ABCA2: variants seen among roughly 807,000 people sequenced by gnomAD.
ABCA2 encodes the protein ATP-binding cassette sub-family A member 2.
In ABCA2, 84 loss-of-function variants were observed where a neutral mutation model predicts 262.8. The ratio of observed to expected loss-of-function variants is 0.32; its 90% confidence interval spans 0.27 to 0.38. The LOEUF is 0.38. Ranked by LOEUF, ABCA2 falls within the 10% of genes least tolerant of loss-of-function variation. ABCA2 has a pLI of 1.00. For missense variants in ABCA2, 2,662 were observed against 3,405.9 expected, an observed-to-expected ratio of 0.78 and a Z score of 5.44; for synonymous variants, 1,696 against 1,502.9, an observed-to-expected ratio of 1.13 and a Z score of -2.97.
rs1373262904 is a variant in ABCA2, at chr9:137,022,140, G to T, written c.568-139C>A. On this transcript the variant is annotated intron_variant, in intron 6 of 48. Transcript: ENST00000341511. Reference sequence around the variant, plus strand: ...CAGAGAGTGGGGGCGTGGCTCAGATGGTGGGGGCGTGGCTCCGATGTAGGT... The same window carrying T: ...CAGAGAGTGGGGGCGTGGCTCAGATTGTGGGGGCGTGGCTCCGATGTAGGT... 24 of 602,034 alleles carry T rather than the reference G, an allele frequency of 4.0e-5. No homozygotes were observed. The African/African-American group carries it at 4.2e-4, about 10-fold the overall frequency. The allele number at this position is 602,034 out of a possible 1,614,324, so 37.3% of individuals were successfully genotyped here.
rs1831382151 is a variant in ABCA2, at chr9:137,019,584, G to A, written c.1426-278C>T. 7.7e-6 allele frequency: 3 copies of A among 389,806 alleles called. No individual in the cohort carries two copies. Among genetic ancestry groups the A allele is most frequent in the Admixed American group, 8.9e-5 (2 of 22,590 alleles). The allele number at this position is 389,806 out of a possible 1,614,324, so 24.1% of individuals were successfully genotyped here. On this transcript the variant is annotated intron_variant, in intron 10 of 48. Coordinates refer to ENST00000341511, the MANE Select transcript of ABCA2 (RefSeq NM_001606.5). This position sits in a 1 kb window ranked among gnomAD's most constrained non-coding sequence, Gnocchi z 4.4. ...ATTACAGGTGCCCACCACCACGCCT[G>A]GCTAATTTTGTATTTTTGGTAGAGA...
chr9:137,012,701 AC>A lies in ABCA2; in HGVS notation c.5081+10del, dbSNP rs1473885154. ...GGCCACCCTCACCCACAGCCTCCCC[AC>A]CCAGCTCACCGGTGCAGTCGGAAGC... On this transcript the variant is annotated intron_variant, in intron 31 of 48. Transcript: ENST00000341511. The A allele has an allele frequency of 1.9e-6, 3 of 1,612,048 alleles. No individual in the cohort carries two copies. Among genetic ancestry groups the A allele is most frequent in the Non-Finnish European group, 2.5e-6 (3 of 1,179,496 alleles).
In ABCA2 at chr9:137,023,064, A is replaced by G. The variant is rs1226202765; in HGVS notation, c.164-12T>C. The G allele has an allele frequency of 6.4e-7, 1 of 1,567,752 alleles. No homozygotes were observed. Among genetic ancestry groups the G allele is most frequent in the Non-Finnish European group, 8.6e-7 (1 of 1,156,258 alleles). On this transcript the variant is annotated splice_polypyrimidine_tract_variant and intron_variant, in intron 3 of 48. Transcript: ENST00000341511. ...CGCTGTGTAGAAGGCTGGCAGACCC[A>G]CGGGAGAGGGCAGGGTCGGGGGTGA...
rs73564322 is a variant in ABCA2 at position 137,020,696 on chromosome 9, G to C, written c.1263C>G (p.Asn421Lys). The change falls in exon 9 of 49, where the codon AAC (asparagine) becomes AAG (lysine). Residue 421 changes from asparagine (N) to lysine (K), a missense_variant and splice_region_variant. Physicochemically the swap from Asn to Lys is moderately conservative, Grantham distance 94. Transcript: ENST00000341511. ...AGLQPILCGNNRTIEPEALRR... is the reference protein window; with the variant it reads ...AGLQPILCGNKRTIEPEALRR... ...CCATTCCCCTGCCGCCCACCTACCG[G>C]TTGTTGCCACACAAGATGGGCTGCA... 6.3e-7 allele frequency: 1 copy of C among 1,599,932 alleles called. No individual in the cohort carries two copies. The highest frequency in any genetic ancestry group is 1.1e-5 in the South Asian group (1 of 90,878).
Position 137,011,696 on chromosome 9 carries a change from G to A in ABCA2, c.5589C>T (p.Asp1863=), listed in dbSNP as rs1463965184. ...TGGTGGGCGACGTGTAGGCCGGCAG[G>A]TCGAACACAAACAGGATGATGACAC... ...TCCVIILFVF[D]LPAYTSPTNF... Residue 1863 remains aspartate (D), a synonymous_variant, in exon 36 of 49, where the codon GAC becomes GAT. Transcript: ENST00000341511. The surrounding 1 kb of genome is among the most constrained non-coding windows in gnomAD (Gnocchi z 8.8). The A allele has an allele frequency of 1.3e-5, 20 of 1,554,654 alleles. No individual in the cohort carries two copies. Among genetic ancestry groups the A allele is most frequent in the Non-Finnish European group, 1.7e-5 (19 of 1,149,732 alleles).
In ABCA2 at chr9:137,008,655, C is replaced by T. The variant is rs768378420; in HGVS notation, c.7069-33G>A. Reference sequence around the variant, plus strand: ...GTGGCGCAGGCGTGTGGGGAGGGGGCTGGTCTGGGGTGAGGAGGGGCAGGG... The same window carrying T: ...GTGGCGCAGGCGTGTGGGGAGGGGGTTGGTCTGGGGTGAGGAGGGGCAGGG... On this transcript the variant is annotated intron_variant, in intron 47 of 48. Transcript: ENST00000341511. 6.9e-5 allele frequency: 77 copies of T among 1,110,284 alleles called. 1 individual carries two copies. In the South Asian group the frequency reaches 1.0e-3, roughly 15 times the overall value. 68.8% of individuals were successfully genotyped at this position (1,110,284 alleles called of 1,614,324 possible).
chr9:137,015,205 G>A lies in ABCA2; in HGVS notation c.3698-108C>T, dbSNP rs1260787040. The A allele has an allele frequency of 6.1e-6, 8 of 1,312,582 alleles. No homozygotes were observed. The East Asian group carries it at 1.2e-4, about 19-fold the overall frequency. The allele number at this position is 1,312,582 out of a possible 1,614,324, so 81.3% of individuals were successfully genotyped here. ...TATGGGCATTGGAGAGGAAGAACCA[G>A]GCCCCAGCAGGTATCCTGGGCCCAG... On this transcript the variant is annotated intron_variant, in intron 24 of 48. Coordinates refer to ENST00000341511, the MANE Select transcript of ABCA2 (RefSeq NM_001606.5).
At position 137,010,241 on chromosome 9, in the gene ABCA2, G is replaced by C; in HGVS notation, c.6305C>G (p.Thr2102Ser). The C allele has an allele frequency of 6.2e-7, 1 of 1,604,392 alleles. No homozygotes were observed. The highest frequency in any genetic ancestry group is 1.3e-5 in the African/African-American group (1 of 74,738). The part of the protein sequence containing the change: ...AGKTSTFKML[T>S]GDESTTGGEA... ...GCCCCCCGTCGTGCTCTCGTCGCCG[G>C]TCAGCATCTTGAAGGTGCTGGTCTT... is the stretch of plus-strand genomic sequence containing the variant. The change falls in exon 41 of 49, where the codon ACC becomes AGC. Residue 2102 changes from threonine (T) to serine (S), a missense_variant. Transcript: ENST00000341511.
intron 45 of ABCA2, 71 bp downstream of exon 45, chr9:137,009,299 C>G: frequency 7.2e-7 from 1 of 1,390,422 alleles, no homozygotes; most frequent in Non-Finnish European, 9.6e-7. Context: ...GCCACCCCCA[C>G]TCCTGGCCCC....
At position 137,017,468 on chromosome 9, in the gene ABCA2, G is replaced by A. The variant is rs755737213; in HGVS notation, c.2402+34C>T. 8 of 1,597,994 alleles carry A rather than the reference G, an allele frequency of 5.0e-6. No individual in the cohort carries two copies. The South Asian group carries it at 7.8e-5, about 16-fold the overall frequency. ...GGGTGAGCTTGCTGGGCAAGTGCCT[G>A]CCCCAGGTCCCTCCTACCATGGCCC... is the stretch of plus-strand genomic sequence containing the variant. On this transcript the variant is annotated intron_variant, in intron 17 of 48. Transcript: ENST00000341511.
chr9:137,024,045 C>T (rs1465606191), intron 2 of ABCA2, 98 bp downstream of exon 2: 19 of 1,513,858 alleles, frequency 1.3e-5, no homozygotes, highest in South Asian at 2.6e-5. Context: ...TCAGGGACTC[C>T]GGGAGCAGGA....
rs758549349 is a variant in ABCA2 at position 137,008,626 on chromosome 9, G to A, written c.7069-4C>T. 28 of 1,605,364 alleles carry A rather than the reference G, an allele frequency of 1.7e-5. No homozygotes were observed. The highest frequency in any genetic ancestry group is 8.5e-5 in the Admixed American group (5 of 59,070). Reference sequence around the variant, plus strand: ...TCTTGGCAAAGTTCACGAACACCTGGTGGGTGGCGCAGGCGTGTGGGGAGG... The same window carrying A: ...TCTTGGCAAAGTTCACGAACACCTGATGGGTGGCGCAGGCGTGTGGGGAGG... On this transcript the variant is annotated splice_polypyrimidine_tract_variant and splice_region_variant and intron_variant, in intron 47 of 48. Coordinates refer to ENST00000341511, the MANE Select transcript of ABCA2 (RefSeq NM_001606.5).
Position 137,020,379 on chromosome 9 carries a change from A to G in ABCA2, c.1382T>C (p.Leu461Pro). The change falls in exon 10 of 49, where the codon CTG becomes CCG. Residue 461 changes from leucine to proline, a missense_variant. This residue lies in a region of ABCA2 where 92 missense variants were observed against 146.7 expected (regional missense o/e 0.63). Transcript: ENST00000341511. ...VHLMTSNPKI[L>P]YAPAGSEVDR... ...GACCTCAGAGCCCGCAGGCGCGTAC[A>G]GGATTTTGGGGTTGCTGGTCATGAG... 2 of 1,613,130 alleles carry G rather than the reference A, an allele frequency of 1.2e-6. No individual in the cohort carries two copies. The highest frequency in any genetic ancestry group is 1.7e-6 in the Non-Finnish European group (2 of 1,179,972).
At position 137,020,677 on chromosome 9, in the gene ABCA2, C is replaced by T. The variant is rs1194852309; in HGVS notation, c.1265+17G>A. On this transcript the variant is annotated intron_variant, in intron 9 of 48. Coordinates refer to ENST00000341511, the MANE Select transcript of ABCA2 (RefSeq NM_001606.5). ...CTGGCTGTCCTCCTCACCCCCATTC[C>T]CCTGCCGCCCACCTACCGGTTGTTG... 4.4e-6 allele frequency: 7 copies of T among 1,597,380 alleles called. No individual in the cohort carries two copies. Among genetic ancestry groups the T allele is most frequent in the Admixed American group, 1.7e-5 (1 of 59,724 alleles).
Position 137,009,585 on chromosome 9 carries a change from A to C in ABCA2, c.6690T>G (p.Leu2230=). The C allele has an allele frequency of 6.2e-7, 1 of 1,612,724 alleles. No homozygotes were observed. Among genetic ancestry groups the C allele is most frequent in the Non-Finnish European group, 8.5e-7 (1 of 1,179,864 alleles). ...KARRFLWNLI[L]DLIKTGRSVV... The stretch of plus-strand genomic sequence containing the variant: ...CTGAACGCCCTGTCTTGATGAGGTC[A>C]AGGATGAGGTTCCAGAGGAAGCGCC... The change falls in exon 44 of 49, where the codon CTT becomes CTG. Residue 2230 remains leucine, a synonymous_variant. Coordinates refer to ENST00000341511, the MANE Select transcript of ABCA2 (RefSeq NM_001606.5).
In ABCA2 at chr9:137,021,661, A is replaced by G. The variant is rs1276103252; in HGVS notation, c.679-51T>C. 3 of 1,518,172 alleles carry G rather than the reference A, an allele frequency of 2.0e-6. No homozygotes were observed. The highest frequency in any genetic ancestry group is 4.0e-5 in the Admixed American group (2 of 50,558). The allele number at this position is 1,518,172 out of a possible 1,614,324, so 94.0% of individuals were successfully genotyped here. A position where few individuals can be genotyped will look rare whatever the true frequency, so the allele number is the denominator to read the frequency against. ...AGCCACGGCAAGGACTTTGTCCCCA[A>G]CCACTAGGGCCTCAGGCCTCACCCT... On this transcript the variant is annotated intron_variant, in intron 7 of 48. Transcript: ENST00000341511. The surrounding 1 kb of genome is among the most constrained non-coding windows in gnomAD (Gnocchi z 6.0).
chr9:137,028,346 C>G (rs932884300), upstream of ABCA2: 1 of 879,236 alleles, frequency 1.1e-6, no homozygotes, highest in South Asian at 5.0e-5. This position sits in a 1 kb window ranked among gnomAD's most constrained non-coding sequence, Gnocchi z 6.9. Context: ...TTAAAGGCGC[C>G]GCGCTCCGTC....
chr9:137,026,119 G>A (rs1241569120), intron 1 of ABCA2, among the ~76,000 whole-genome samples: 4 of 152,216 alleles, frequency 2.6e-5, no homozygotes, highest in Non-Finnish European at 5.9e-5. Flanking sequence ...CAGTGACCCT[G>A]TCCCTGCACC....
At chr9:137,018,846 G>T in intron 12 of ABCA2, 31 bp from the exon 13 acceptor site, 1 of 1,612,558 alleles carries the variant, frequency 6.2e-7, no homozygotes, top group Non-Finnish European at 8.5e-7. Flanking sequence ...GGAGCCCGCC[G>T]TGGGCATGTG....
Sources: allele counts gnomAD v4.1 joint callset (sites outside exome capture counted in the v4.1 genomes callset), GRCh38; gene constraint gnomAD v4.1.1; regional missense constraint gnomAD v4.1.1; non-coding constraint Gnocchi (gnomAD v3.1); transcripts MANE v1.5; gene names NCBI Gene and HGNC (gene_info 2026-07-23, HGNC 2026-07-21).